Variants in BCL2 observed in about 807,000 individuals in gnomAD.
BCL2 encodes BCL2 apoptosis regulator, also known as apoptosis regulator Bcl-2.
A neutral mutation model predicts 14.2 loss-of-function variants in BCL2; 1 was observed. That is an observed-to-expected ratio of 0.07 (90% CI 0.02 to 0.33). The LOEUF is 0.33. Among genes scored for constraint, BCL2 ranks in the 10% least tolerant of loss-of-function variants. The probability of loss-of-function intolerance (pLI) is 0.99; values close to 1 mark genes in which losing one functional copy is unlikely to be tolerated. For synonymous variants in BCL2, 151 were observed against 137.2 expected (o/e 1.10, Z -0.70); for missense variants, 247 against 305.9 (o/e 0.81, Z 1.44).
At position 63,137,528 on chromosome 18, in the gene BCL2, T is replaced by C. The variant is rs1914239619; in HGVS notation, c.586-8769A>G. The stretch of plus-strand genomic sequence containing the variant: ...AAAAGGGGAGTATTCAGAGACCAAA[T>C]AAAGGACTGGCTTAGATAAAATTCA... On this transcript the variant is annotated intron_variant, in intron 2 of 2. Coordinates refer to ENST00000333681, the MANE Select transcript of BCL2 (RefSeq NM_000633.3). Among the ~76,000 whole-genome samples the C allele has an allele frequency of 2.0e-5, 3 of 152,188 alleles. No homozygotes were observed. The South Asian group carries it at 6.2e-4, about 32-fold the overall frequency.
At chr18:63,187,843 T>C (rs892242960) in intron 2 of BCL2, among the ~76,000 whole-genome samples, 3 of 152,196 alleles carry the variant, frequency 2.0e-5, no homozygotes, top group Admixed American at 2.0e-4. Flanking sequence ...CAAATGCAGA[T>C]TTTGCTTTTT....
intron 2 of BCL2, among the ~76,000 whole-genome samples, chr18:63,136,999 T>C (rs1914224882): frequency 1.3e-5 from 2 of 152,264 alleles, no homozygotes; most frequent in African/African-American, 4.8e-5. Flanking sequence ...CCAGGATCAC[T>C]GCTGTGATTT....
At chr18:63,247,001 T>C (rs141429292) in intron 2 of BCL2, among the ~76,000 whole-genome samples, 16 of 152,194 alleles carry the variant, frequency 1.1e-4, no homozygotes, top group African/African-American at 3.9e-4. Context: ...ACAAGACAAA[T>C]TTGAGTGATG....
chr18:63,153,442 C>G (rs1023193260), intron 2 of BCL2, among the ~76,000 whole-genome samples: 1 of 152,138 alleles, frequency 6.6e-6, no homozygotes, highest in Non-Finnish European at 1.5e-5. Flanking sequence ...AAGTAGCTTA[C>G]AGAAAATGCA....
At chr18:63,247,806 G>C (rs1031225166) in intron 2 of BCL2, among the ~76,000 whole-genome samples, 1 of 152,118 alleles carries the variant, frequency 6.6e-6, no homozygotes, top group African/African-American at 2.4e-5. Context: ...AAAGAGGAGA[G>C]GCTTCAGATA....
chr18:63,300,466 C>CTCTGTG (rs1555709274), intron 2 of BCL2, among the ~76,000 whole-genome samples: 27 of 148,118 alleles, frequency 1.8e-4, no homozygotes, highest in Admixed American at 1.1e-3. Flanking sequence ...CTCTCTCTCT[C>CTCTGTG]TGTGTGTGTG....
At chr18:63,198,826 GACAT>G (rs1348029305) in intron 2 of BCL2, among the ~76,000 whole-genome samples, 28 of 4,656 alleles carry the variant, frequency 6.0e-3, no homozygotes, top group African/African-American at 0.019. Flanking sequence ...CAGACACACA[GACAT>G]ACACAGACAC....
chr18:63,182,870 T>C (rs1280562460), intron 2 of BCL2, among the ~76,000 whole-genome samples: 1 of 152,162 alleles, frequency 6.6e-6, no homozygotes, highest in Admixed American at 6.5e-5. Context: ...GAGCAACTCA[T>C]TGCAAAAGGA....
At chr18:63,257,125 A>G (rs1056371732) in intron 2 of BCL2, among the ~76,000 whole-genome samples, 11 of 152,266 alleles carry the variant, frequency 7.2e-5, no homozygotes, top group African/African-American at 2.7e-4. Context: ...TGGCAAAATA[A>G]AAAGTTAGCA....
At chr18:63,217,442 TG>T in intron 2 of BCL2, among the ~76,000 whole-genome samples, 1 of 152,256 alleles carries the variant, frequency 6.6e-6, no homozygotes, top group South Asian at 2.1e-4. Flanking sequence ...GAGGAGAAAC[TG>T]GGTTTGTTTT....
At chr18:63,207,713 G>C (rs1909878972) in intron 2 of BCL2, 1 of 152,164 alleles carries the variant, frequency 6.6e-6, no homozygotes, top group Non-Finnish European at 1.5e-5. Context: ...TATGGGGGTG[G>C]GGGAAGTCCC....
intron 2 of BCL2, among the ~76,000 whole-genome samples, chr18:63,152,478 T>C (rs1914673113): frequency 6.6e-6 from 1 of 152,202 alleles, no homozygotes. Context: ...CCCAAAGTTA[T>C]TCTAAAATGC....
chr18:63,160,787 A>C (rs1914901172), intron 2 of BCL2, among the ~76,000 whole-genome samples: 2 of 80,464 alleles, frequency 2.5e-5, no homozygotes, highest in East Asian at 2.0e-3. Flanking sequence ...GCGAGAAAAA[A>C]GCCACATCGC....
At chr18:63,294,679 GA>G (rs374665405) in intron 2 of BCL2, among the ~76,000 whole-genome samples, 2,903 of 145,044 alleles carry the variant, frequency 0.02, 92 homozygotes, top group African/African-American at 0.07. Context: ...CAAAAGAAAA[GA>G]AAAAAAAAAG....
chr18:63,274,174 A>C (rs1299805126), intron 2 of BCL2, among the ~76,000 whole-genome samples: 1 of 151,778 alleles, frequency 6.6e-6, no homozygotes, highest in Non-Finnish European at 1.5e-5. Flanking sequence ...TGACTCCTAC[A>C]TGCCTCTACG....
chr18:63,244,053 G>A (rs1911086775), intron 2 of BCL2, among the ~76,000 whole-genome samples: 1 of 152,122 alleles, frequency 6.6e-6, no homozygotes, highest in Non-Finnish European at 1.5e-5. Context: ...AGACCAGCCT[G>A]TCCAACATAG....
intron 2 of BCL2, among the ~76,000 whole-genome samples, chr18:63,136,532 G>T (rs956757217): frequency 6.6e-6 from 1 of 152,218 alleles, no homozygotes; most frequent in Admixed American, 6.5e-5. Flanking sequence ...AGTGCAAGTG[G>T]TTTATTTGGG....
At chr18:63,156,540 T>C (rs1914787355) in intron 2 of BCL2, among the ~76,000 whole-genome samples, 1 of 152,170 alleles carries the variant, frequency 6.6e-6, no homozygotes, top group South Asian at 2.1e-4. Context: ...TGTTAGGTGC[T>C]ACCCAAATGC....
chr18:63,282,933 T>C (rs1912356787), intron 2 of BCL2, among the ~76,000 whole-genome samples: 1 of 152,218 alleles, frequency 6.6e-6, no homozygotes. Context: ...AATTCAAAAA[T>C]TCTTCTGAAA....
Sources: allele counts gnomAD v4.1 joint callset (sites outside exome capture counted in the v4.1 genomes callset), GRCh38; gene constraint gnomAD v4.1.1; transcripts MANE v1.5; gene names NCBI Gene and HGNC (gene_info 2026-07-23, HGNC 2026-07-21).